The following PPP4R3B variants were observed in gnomAD, a reference collection of about 807,000 sequenced individuals.
The protein encoded by PPP4R3B is protein phosphatase 4 regulatory subunit 3B, also known as serine/threonine-protein phosphatase 4 regulatory subunit 3B.
A neutral mutation model predicts 95.4 loss-of-function variants in PPP4R3B; 52 were observed. The ratio of observed to expected loss-of-function variants is 0.54; its 90% CI spans 0.44 to 0.69. PPP4R3B has a LOEUF of 0.69. Ranked by LOEUF, PPP4R3B falls within the 30% of genes least tolerant of loss-of-function variation. The pLI, the probability that PPP4R3B is intolerant of heterozygous loss-of-function variation, is 0.00. For missense variants in PPP4R3B, 1,003 were observed against 1,005.9 expected (o/e 1.00, Z 0.04); for synonymous variants, 407 against 343.9 (o/e 1.18, Z -2.03).
At chr2:55,577,891 G>A (rs1311398307) in intron 10 of PPP4R3B, among the ~76,000 whole-genome samples, 1 of 151,744 alleles carries the variant, frequency 6.6e-6, no homozygotes, top group Non-Finnish European at 1.5e-5. Flanking sequence ...GCACATCAAG[G>A]CACATGTGCA....
chr2:55,593,029 G>T (rs1430990271), intron 4 of PPP4R3B, among the ~76,000 whole-genome samples: 1 of 152,042 alleles, frequency 6.6e-6, no homozygotes, highest in Non-Finnish European at 1.5e-5. Context: ...CATGGTGGCT[G>T]CTGCCTGTAA....
chr2:55,590,717 A>G (rs752650881), intron 4 of PPP4R3B, among the ~76,000 whole-genome samples: 1 of 152,210 alleles, frequency 6.6e-6, no homozygotes, highest in Admixed American at 6.5e-5. Flanking sequence ...GTTTGTAACA[A>G]TAGTATCTGT....
intron 2 of PPP4R3B, among the ~76,000 whole-genome samples, chr2:55,612,528 G>T (rs1273604740): frequency 6.6e-6 from 1 of 151,966 alleles, no homozygotes; most frequent in Non-Finnish European, 1.5e-5. Flanking sequence ...AATCAGCCTG[G>T]GCCACACAGT....
chr2:55,567,449 C>T (rs1471736838), intron 13 of PPP4R3B, among the ~76,000 whole-genome samples: 5 of 151,880 alleles, frequency 3.3e-5, no homozygotes, highest in Non-Finnish European at 5.9e-5. Context: ...AAGAGTCTTG[C>T]TCTGTCACCC....
At chr2:55,590,251 T>C (rs986332913) in intron 4 of PPP4R3B, among the ~76,000 whole-genome samples, 9 of 150,834 alleles carry the variant, frequency 6.0e-5, no homozygotes, top group Non-Finnish European at 8.9e-5. Context: ...CGCTTGAACC[T>C]GGGAGGCGGA....
intron 3 of PPP4R3B, among the ~76,000 whole-genome samples, chr2:55,600,426 CAAAA>C (rs60764774): frequency 9.0e-5 from 2 of 22,182 alleles, no homozygotes; most frequent in African/African-American, 1.6e-4. Context: ...AACTCTGTCT[CAAAA>C]AAAAAAAAAA....
intron 8 of PPP4R3B, among the ~76,000 whole-genome samples, chr2:55,581,122 G>A (rs1268690653): frequency 1.3e-5 from 2 of 152,052 alleles, no homozygotes; most frequent in African/African-American, 4.8e-5. Flanking sequence ...GTGTGGTGGT[G>A]TGCGTCTGTA....
intron 7 of PPP4R3B, among the ~76,000 whole-genome samples, chr2:55,584,271 G>T (rs1035101973): frequency 6.6e-6 from 1 of 152,076 alleles, no homozygotes; most frequent in African/African-American, 2.4e-5. Flanking sequence ...CCTTAAAATA[G>T]CTTAAGGGGA....
At chr2:55,579,562 T>C (rs1689158686) in intron 9 of PPP4R3B, 117 bp downstream of exon 9, 1 of 559,470 alleles carries the variant, frequency 1.8e-6, no homozygotes, top group African/African-American at 2.0e-5. Context: ...CAGTTTAAGT[T>C]TTTCAGTCGT....
chr2:55,593,791 C>T (rs928577369), intron 4 of PPP4R3B, among the ~76,000 whole-genome samples: 4 of 152,060 alleles, frequency 2.6e-5, no homozygotes, highest in Non-Finnish European at 2.9e-5. Context: ...CTTTCCTTTT[C>T]ACACATAGTT....
In PPP4R3B at chr2:55,564,361, C is replaced by T; in HGVS notation, c.2212G>A (p.Glu738Lys). 1 of 1,613,404 alleles carries T rather than the reference C, an allele frequency of 6.2e-7. No individual in the cohort carries two copies. Among genetic ancestry groups the T allele is most frequent in the South Asian group, 1.1e-5 (1 of 90,928 alleles). Residue 738 changes from glutamate (E) to lysine (K), a missense_variant, in exon 15 of 17, where the codon GAA becomes AAA. This residue lies in a region of PPP4R3B where 229 missense variants were observed against 194.7 expected (regional missense o/e 1.18). Coordinates refer to ENST00000616407, the MANE Select transcript of PPP4R3B (RefSeq NM_001122964.3). Reference sequence around the variant, plus strand: ...TCATAATTATCTGGAAAATCATCTTCTGGCTTAGGTTTTTCCACTGGTGCC... The same window carrying T: ...TCATAATTATCTGGAAAATCATCTTTTGGCTTAGGTTTTTCCACTGGTGCC... ...VVAPVEKPKP[E>K]DDFPDNYEKF...
intron 2 of PPP4R3B, among the ~76,000 whole-genome samples, chr2:55,609,808 G>A (rs1485221128): frequency 1.3e-5 from 2 of 151,916 alleles, no homozygotes; most frequent in Non-Finnish European, 2.9e-5. Flanking sequence ...CAATAAAAGG[G>A]AAAAAATACA....
intron 5 of PPP4R3B, among the ~76,000 whole-genome samples, chr2:55,587,409 C>T (rs577453144): frequency 6.6e-6 from 1 of 152,000 alleles, no homozygotes; most frequent in East Asian, 1.9e-4. Flanking sequence ...CAGGGTGAAA[C>T]CCTGTCTCTA....
At chr2:55,614,563 A>G (rs1023987666) in intron 2 of PPP4R3B, 2 of 152,204 alleles carry the variant, frequency 1.3e-5, no homozygotes, top group African/African-American at 4.8e-5. Context: ...TTATGGATAC[A>G]TACATATGCA....
At chr2:55,597,936 G>A (rs111674886) in intron 4 of PPP4R3B, among the ~76,000 whole-genome samples, 1 of 151,996 alleles carries the variant, frequency 6.6e-6, no homozygotes, top group Non-Finnish European at 1.5e-5. Flanking sequence ...TAAAAGGCTG[G>A]GCTGGGCGCG....
intron 12 of PPP4R3B, among the ~76,000 whole-genome samples, chr2:55,571,758 TG>T (rs2104043940): frequency 6.6e-6 from 1 of 152,290 alleles, no homozygotes; most frequent in South Asian, 2.1e-4. Context: ...CCTGAGTAGC[TG>T]GGATTACAGA....
At chr2:55,615,016 G>A (rs1001451574) in intron 2 of PPP4R3B, 8 of 153,866 alleles carry the variant, frequency 5.2e-5, no homozygotes, top group African/African-American at 1.9e-4. Context: ...CAATTAAAGA[G>A]CAGGATTTAA....
chr2:55,601,048 GA>G (rs1314472212), intron 3 of PPP4R3B, among the ~76,000 whole-genome samples: 8 of 150,230 alleles, frequency 5.3e-5, no homozygotes, highest in African/African-American at 2.0e-4. Context: ...TAGGGAGGCT[GA>G]AGTGAGAATC....
At chr2:55,611,680 TA>T (rs1390142924) in intron 2 of PPP4R3B, among the ~76,000 whole-genome samples, 1 of 152,228 alleles carries the variant, frequency 6.6e-6, no homozygotes, top group African/African-American at 2.4e-5. Context: ...TGGCTCATTT[TA>T]AAACTATAAT....
Sources: gnomAD v4.1 joint callset for allele counts (sites outside exome capture counted in the v4.1 genomes callset) on GRCh38, gnomAD v4.1.1 for gene constraint, gnomAD v4.1.1 regional missense constraint, MANE v1.5 for transcripts, NCBI Gene and HGNC (gene_info 2026-07-23, HGNC 2026-07-21) for gene names.